KPNA3: variants seen among roughly 807,000 people sequenced by gnomAD.
KPNA3 encodes the protein importin subunit alpha-4.
In KPNA3, 13 loss-of-function variants were observed where a neutral mutation model predicts 73.8. That is an observed-to-expected ratio of 0.18 (90% CI 0.11 to 0.28). The LOEUF is 0.28. KPNA3 is among the 10% of genes least tolerant of loss of function. KPNA3 has a pLI of 1.00. For missense variants in KPNA3, 360 were observed against 618.1 expected (o/e 0.58, Z 4.43); for synonymous variants, 186 against 206.9 (o/e 0.90, Z 0.87).
At chr13:49,726,902 G>A (rs1262450595) in intron 6 of KPNA3, among the ~76,000 whole-genome samples, 1 of 152,104 alleles carries the variant, frequency 6.6e-6, no homozygotes, top group Non-Finnish European at 1.5e-5. Context: ...TCAATGAGCT[G>A]TGATTGTGTC....
intron 6 of KPNA3, among the ~76,000 whole-genome samples, chr13:49,730,771 C>T (rs1289604525): frequency 9.9e-6 from 1 of 101,522 alleles, no homozygotes; most frequent in African/African-American, 4.0e-5. Context: ...CCTCCCCCCT[C>T]CCCCCTATTT....
intron 2 of KPNA3, among the ~76,000 whole-genome samples, chr13:49,742,310 A>G (rs1182466083): frequency 6.6e-6 from 1 of 152,184 alleles, no homozygotes; most frequent in Non-Finnish European, 1.5e-5. Flanking sequence ...TCTGTATAAC[A>G]TTATTTCCTT....
chr13:49,715,091 T>C (rs923950880), intron 10 of KPNA3, among the ~76,000 whole-genome samples: 7 of 151,974 alleles, frequency 4.6e-5, no homozygotes, highest in Non-Finnish European at 7.4e-5. Flanking sequence ...GTGTCCTTGA[T>C]AGAACACCCA....
At chr13:49,757,261 TAA>T (rs61387986) in intron 1 of KPNA3, among the ~76,000 whole-genome samples, 11 of 147,850 alleles carry the variant, frequency 7.4e-5, no homozygotes, top group Non-Finnish European at 6.0e-5. Context: ...AGCTAGAGAC[TAA>T]AAAAAAAAAA....
Position 49,706,307 on chromosome 13 carries a change from A to G in KPNA3, c.1098T>C (p.Asp366=). The change falls in exon 13 of 17, where the codon GAT becomes GAC. Residue 366 remains aspartate, a synonymous_variant. Transcript: ENST00000261667. ...GAATTATCATAGGAATTAATCCAGC[A>G]TCTATTACAGCTTGAACTTGTTGCT... ...GNQQQVQAVI[D]AGLIPMIIHQ... is the part of the protein sequence containing the mutation. 1 of 1,614,172 alleles carries G rather than the reference A, an allele frequency of 6.2e-7. No homozygotes were observed. Among genetic ancestry groups the G allele is most frequent in the Non-Finnish European group, 8.5e-7 (1 of 1,179,986 alleles).
chr13:49,745,245 A>T (rs544065897), intron 2 of KPNA3, among the ~76,000 whole-genome samples: 2 of 152,354 alleles, frequency 1.3e-5, no homozygotes, highest in South Asian at 4.1e-4. Flanking sequence ...TGTGTATTTA[A>T]AATAATTCTT....
intron 1 of KPNA3, among the ~76,000 whole-genome samples, chr13:49,767,832 T>C (rs527624862): frequency 6.6e-6 from 1 of 152,332 alleles, no homozygotes; most frequent in African/African-American, 2.4e-5. Context: ...CTACAAAATA[T>C]GACTTGTTTA....
At chr13:49,771,986 T>C (rs1282342341) in intron 1 of KPNA3, among the ~76,000 whole-genome samples, 1 of 152,228 alleles carries the variant, frequency 6.6e-6, no homozygotes, top group Non-Finnish European at 1.5e-5. Context: ...TGCCCATTGC[T>C]GGTATACTAA....
At chr13:49,736,966 A>G (rs756777507) in intron 2 of KPNA3, among the ~76,000 whole-genome samples, 14 of 152,176 alleles carry the variant, frequency 9.2e-5, no homozygotes, top group East Asian at 1.9e-4. Flanking sequence ...TAGGCTCAGT[A>G]TAATTGTCTG....
intron 1 of KPNA3, among the ~76,000 whole-genome samples, chr13:49,753,026 C>CAAAAAAAAAAAAAAAAA: frequency 1.2e-5 from 1 of 82,210 alleles, no homozygotes; most frequent in South Asian, 5.7e-4. Flanking sequence ...GACTCTGTCT[C>CAAAAAAAAAAAAAAAAA]AAAAAAAAAA....
chr13:49,736,685 T>C (rs1034003362), intron 2 of KPNA3, among the ~76,000 whole-genome samples: 2 of 152,212 alleles, frequency 1.3e-5, no homozygotes, highest in East Asian at 1.9e-4. Context: ...TCGTTTTACA[T>C]GTATTTGCAT....
chr13:49,786,906 G>A (rs1300653329), intron 1 of KPNA3, among the ~76,000 whole-genome samples: 2 of 152,220 alleles, frequency 1.3e-5, no homozygotes, highest in Admixed American at 6.5e-5. Flanking sequence ...ACACAGAAGA[G>A]CTAGGTACAC....
chr13:49,744,769 T>A (rs923279026), intron 2 of KPNA3, among the ~76,000 whole-genome samples: 5 of 152,218 alleles, frequency 3.3e-5, no homozygotes, highest in African/African-American at 1.2e-4. Flanking sequence ...TTTCAAAATT[T>A]ACTTTTAAAA....
chr13:49,758,438 C>T (rs1265930837), intron 1 of KPNA3, among the ~76,000 whole-genome samples: 1 of 152,118 alleles, frequency 6.6e-6, no homozygotes, highest in African/African-American at 2.4e-5. Context: ...CTAAAGAGAA[C>T]TACCAGGAAA....
At chr13:49,755,705 C>T (rs1954704807) in intron 1 of KPNA3, among the ~76,000 whole-genome samples, 2 of 151,984 alleles carry the variant, frequency 1.3e-5, no homozygotes, top group Non-Finnish European at 2.9e-5. Context: ...GCAGAGGAAT[C>T]GCTTGAACCC....
chr13:49,708,261 C>G (rs2137533313), intron 12 of KPNA3, among the ~76,000 whole-genome samples: 1 of 152,306 alleles, frequency 6.6e-6, no homozygotes, highest in African/African-American at 2.4e-5. Flanking sequence ...TCCCAAAGTG[C>G]TGGGATTACA....
At chr13:49,774,527 A>G (rs1312323071) in intron 1 of KPNA3, among the ~76,000 whole-genome samples, 1 of 152,198 alleles carries the variant, frequency 6.6e-6, no homozygotes, top group African/African-American at 2.4e-5. Flanking sequence ...CTTTACCCTA[A>G]GCAGATCTGC....
intron 10 of KPNA3, among the ~76,000 whole-genome samples, chr13:49,714,661 CAGA>C (rs1954289028): frequency 2.6e-5 from 4 of 151,998 alleles, no homozygotes; most frequent in Admixed American, 2.0e-4. Context: ...TAAATTGTTC[CAGA>C]GTACAGAAAA....
intron 10 of KPNA3, among the ~76,000 whole-genome samples, chr13:49,716,296 ATTCTCTGGCTCC>A (rs1444763079): frequency 6.6e-6 from 1 of 152,138 alleles, no homozygotes; most frequent in East Asian, 1.9e-4. Flanking sequence ...TTGACCATTT[ATTCTCTGGCTCC>A]TTATCTACTA....
Sources: allele counts gnomAD v4.1 joint callset (sites outside exome capture counted in the v4.1 genomes callset), GRCh38; gene constraint gnomAD v4.1.1; transcripts MANE v1.5; gene names NCBI Gene and HGNC (gene_info 2026-07-23, HGNC 2026-07-21).